GLG1: variants seen among roughly 807,000 people sequenced by gnomAD.
GLG1 encodes the protein golgi glycoprotein 1, also known as Golgi apparatus protein 1.
In GLG1, 38 loss-of-function variants were observed where a neutral mutation model predicts 160.5. The observed-to-expected ratio is 0.24, with a 90% CI of 0.18 to 0.31. GLG1 has a LOEUF of 0.31. GLG1 is among the 10% of genes least tolerant of loss of function. GLG1 has a pLI of 1.00. For synonymous variants in GLG1, 644 were observed against 543.4 expected, an observed-to-expected ratio of 1.19 and a Z score of -2.57; for missense variants, 1,373 against 1,505.2, an observed-to-expected ratio of 0.91 and a Z score of 1.45.
chr16:74,504,947 G>C (rs1005206208), intron 3 of GLG1, among the ~76,000 whole-genome samples: 3 of 152,132 alleles, frequency 2.0e-5, no homozygotes, highest in African/African-American at 7.2e-5. Flanking sequence ...AACAGAGAAG[G>C]GTGTTTGGAA....
chr16:74,457,224 G>A (rs1052513720), intron 24 of GLG1, among the ~76,000 whole-genome samples: 2 of 152,118 alleles, frequency 1.3e-5, no homozygotes. Flanking sequence ...GCAAAACCCT[G>A]TCTGTACTTA....
chr16:74,512,704 T>A (rs1203054115), intron 2 of GLG1, among the ~76,000 whole-genome samples: 1 of 150,402 alleles, frequency 6.6e-6, no homozygotes, highest in South Asian at 2.1e-4. Flanking sequence ...AAGACCATTG[T>A]CTCAGCAAGT....
At chr16:74,462,771 T>C (rs1373024899) in intron 20 of GLG1, 141 bp from the exon 21 acceptor site, 25 of 764,858 alleles carry the variant, frequency 3.3e-5, no homozygotes, top group Middle Eastern at 2.8e-4. Context: ...AAACATTTAC[T>C]GAGCTCTCAC....
chr16:74,556,790 A>T (rs905343192), intron 1 of GLG1, among the ~76,000 whole-genome samples: 14 of 149,394 alleles, frequency 9.4e-5, no homozygotes, highest in Non-Finnish European at 2.1e-4. Flanking sequence ...ATATAAAATA[A>T]TATTATTATT....
At chr16:74,454,034 G>T (rs1026920824) in intron 25 of GLG1, among the ~76,000 whole-genome samples, 2 of 151,872 alleles carry the variant, frequency 1.3e-5, no homozygotes, top group Non-Finnish European at 2.9e-5. Flanking sequence ...ACCATGCACA[G>T]CTAATTTTTT....
rs146803681 is a variant in GLG1, at chr16:74,515,683, C to T, written c.472-6758G>A. On this transcript the variant is annotated intron_variant, in intron 2 of 25. Coordinates refer to ENST00000422840, the MANE Select transcript of GLG1 (RefSeq NM_001145667.2). ...TAACCTACACGTTGTGTACATGTAC[C>T]CTAAAACTTAAAGTATAATTTTAAA... 2.8e-3 allele frequency among the ~76,000 whole-genome samples: 428 copies of T among 151,630 alleles called. 5 individuals are homozygous for T. The highest frequency in any genetic ancestry group is 0.018 in the East Asian group (94 of 5,182).
chr16:74,555,517 T>C (rs1017846135), intron 1 of GLG1, among the ~76,000 whole-genome samples: 10 of 151,628 alleles, frequency 6.6e-5, no homozygotes, highest in African/African-American at 2.4e-4. Context: ...AGAGACCTCA[T>C]CTCTACAAAA....
rs2014129845 is a variant in GLG1 at position 74,447,866 on chromosome 16, C to T, written c.*5301G>A. The T allele has an allele frequency of 6.6e-6, 1 of 152,284 alleles. No individual in the cohort carries two copies. 9.4% of individuals were successfully genotyped at this position (152,284 alleles called of 1,614,324 possible). ...GTCTGACAGAAAGCCCTGCTGGGCT[C>T]TGGGGTCCAGATGTCAACTCTACAT... On this transcript the variant is annotated 3_prime_UTR_variant, in exon 26 of 26. Transcript: ENST00000422840.
chr16:74,569,744 T>C (rs770459465), intron 1 of GLG1, among the ~76,000 whole-genome samples: 1 of 151,750 alleles, frequency 6.6e-6, no homozygotes, highest in Non-Finnish European at 1.5e-5. Flanking sequence ...TCACCTGTAA[T>C]TCCAGCTACA....
intron 14 of GLG1, among the ~76,000 whole-genome samples, chr16:74,471,580 T>C (rs2015210223): frequency 1.3e-5 from 2 of 152,112 alleles, no homozygotes; most frequent in African/African-American, 4.8e-5. Context: ...AACTGTCAGA[T>C]CCTAATGGTT....
At chr16:74,604,300 T>C (rs776559547) in intron 1 of GLG1, among the ~76,000 whole-genome samples, 1 of 152,220 alleles carries the variant, frequency 6.6e-6, no homozygotes, top group Non-Finnish European at 1.5e-5. Flanking sequence ...TGAACTGATA[T>C]GTAGGCACTG....
At chr16:74,500,129 T>C (rs894492274) in intron 4 of GLG1, among the ~76,000 whole-genome samples, 2 of 152,220 alleles carry the variant, frequency 1.3e-5, no homozygotes, top group Admixed American at 1.3e-4. Context: ...TCTGAGCTTT[T>C]AGTGCATTGG....
At chr16:74,517,396 T>G (rs1406746260) in intron 2 of GLG1, among the ~76,000 whole-genome samples, 1 of 152,192 alleles carries the variant, frequency 6.6e-6, no homozygotes, top group Admixed American at 6.5e-5. Context: ...TGGTTCAACA[T>G]ATGCAAATCA....
rs1483115152 is a variant in GLG1, at chr16:74,594,371, T to G, written c.438+12286A>C. ...CTTTAATAGGAAAATGTACAGGTCCTGTAAATATCACACATTCAGTCAAAC... is the reference window on the plus strand; with the variant it reads ...CTTTAATAGGAAAATGTACAGGTCCGGTAAATATCACACATTCAGTCAAAC... On this transcript the variant is annotated intron_variant, in intron 1 of 25. Coordinates refer to ENST00000422840, the MANE Select transcript of GLG1 (RefSeq NM_001145667.2). Among the ~76,000 whole-genome samples, 3 of 152,366 alleles carry G rather than the reference T, an allele frequency of 2.0e-5. No homozygotes were observed. In the East Asian group the frequency reaches 5.8e-4, roughly 29 times the overall value.
intron 1 of GLG1, among the ~76,000 whole-genome samples, chr16:74,540,788 C>G (rs553329815): frequency 1.2e-4 from 19 of 152,010 alleles, no homozygotes; most frequent in Non-Finnish European, 2.5e-4. Context: ...ACTTTGGCAT[C>G]GAGGGGAAGA....
rs1428495038 is a variant in GLG1 at position 74,471,133 on chromosome 16, G to C, written c.2229+40C>G. 5.0e-6 allele frequency: 5 copies of C among 1,007,810 alleles called. No homozygotes were observed. In the South Asian group the frequency reaches 5.1e-5, roughly 10 times the overall value. The allele number at this position is 1,007,810 out of a possible 1,614,324, so 62.4% of individuals were successfully genotyped here. ...AAGGAAAGGATTCAGTCAACATCCAGGCAGCTATGATGGGATATTGGCAGC... is the reference window on the plus strand; with the variant it reads ...AAGGAAAGGATTCAGTCAACATCCACGCAGCTATGATGGGATATTGGCAGC... On this transcript the variant is annotated intron_variant, in intron 15 of 25. Coordinates refer to ENST00000422840, the MANE Select transcript of GLG1 (RefSeq NM_001145667.2).
intron 1 of GLG1, among the ~76,000 whole-genome samples, chr16:74,585,884 A>G (rs2143839335): frequency 6.6e-6 from 1 of 152,058 alleles, no homozygotes; most frequent in East Asian, 1.9e-4. Context: ...CCATTATGAT[A>G]AAACCCTGTT....
chr16:74,485,302 C>A (rs1284287052), intron 9 of GLG1, among the ~76,000 whole-genome samples: 1 of 152,162 alleles, frequency 6.6e-6, no homozygotes, highest in Non-Finnish European at 1.5e-5. Context: ...ATCTTGGTTG[C>A]AACTTTAGTA....
Position 74,460,300 on chromosome 16 carries a change from C to T in GLG1, c.3037-511G>A, listed in dbSNP as rs1366141968. 3.9e-5 allele frequency among the ~76,000 whole-genome samples: 6 copies of T among 152,186 alleles called. No individual in the cohort carries two copies. In the South Asian group the frequency reaches 6.2e-4, roughly 16 times the overall value. ...TTCCCAAAGGGCTGGGATTACAGGGCATGAGCCACCGCAACTGGCCTGATT... is the reference window on the plus strand; with the variant it reads ...TTCCCAAAGGGCTGGGATTACAGGGTATGAGCCACCGCAACTGGCCTGATT... On this transcript the variant is annotated intron_variant, in intron 22 of 25. Transcript: ENST00000422840.
Sources: allele counts gnomAD v4.1 joint callset (sites outside exome capture counted in the v4.1 genomes callset), GRCh38; gene constraint gnomAD v4.1.1; transcripts MANE v1.5; gene names NCBI Gene and HGNC (gene_info 2026-07-23, HGNC 2026-07-21).